The following SLC37A3 variants were observed in gnomAD, a reference collection of about 807,000 sequenced individuals.
SLC37A3 encodes the protein sugar phosphate exchanger 3.
In SLC37A3, 51 loss-of-function variants were observed where a neutral mutation model predicts 67.1. That is an observed-to-expected ratio of 0.76 (90% CI 0.61 to 0.96). SLC37A3 has a LOEUF of 0.96. Among genes scored for constraint, SLC37A3 ranks in the 40% least tolerant of loss-of-function variants. The pLI, the probability that SLC37A3 is intolerant of heterozygous loss-of-function variation, is 0.00. For synonymous variants in SLC37A3, 214 were observed against 231.4 expected (o/e 0.92, Z 0.68); for missense variants, 508 against 603.0 (o/e 0.84, Z 1.65).
At chr7:140,335,635 C>T in intron 14 of SLC37A3, 131 bp from the exon 15 acceptor site, 1 of 1,131,966 alleles carries the variant, frequency 8.8e-7, no homozygotes, top group Admixed American at 2.6e-5. Flanking sequence ...GTTTAATCTT[C>T]AATGAATTAG....
At chr7:140,345,833 G>C in intron 11 of SLC37A3, 36 bp downstream of exon 11, 1 of 1,495,560 alleles carries the variant, frequency 6.7e-7, no homozygotes, top group Non-Finnish European at 9.3e-7. Flanking sequence ...CAGATTAGGG[G>C]AGCAAAGGAA....
intron 1 of SLC37A3, among the ~76,000 whole-genome samples, chr7:140,390,463 G>A (rs1798682259): frequency 1.3e-5 from 2 of 152,144 alleles, no homozygotes; most frequent in African/African-American, 4.8e-5. Flanking sequence ...CATGCCTCAA[G>A]GACACAAGCG....
chr7:140,376,201 T>A (rs1482152578), intron 3 of SLC37A3, among the ~76,000 whole-genome samples: 6 of 152,022 alleles, frequency 3.9e-5, no homozygotes, highest in African/African-American at 1.2e-4. Context: ...TTGACTTAAA[T>A]GGAAAACAAA....
At chr7:140,395,440 G>C (rs1798885330) in intron 1 of SLC37A3, among the ~76,000 whole-genome samples, 1 of 149,980 alleles carries the variant, frequency 6.7e-6, no homozygotes, top group Admixed American at 6.7e-5. Context: ...GGGTGCGGTG[G>C]CTCACACCTG....
At chr7:140,369,783 C>T in intron 3 of SLC37A3, 101 bp from the exon 4 acceptor site, 4 of 860,678 alleles carry the variant, frequency 4.6e-6, no homozygotes, top group Non-Finnish European at 7.4e-6. Flanking sequence ...ACCAGTAATG[C>T]TCAAGAACAA....
chr7:140,397,964 A>G (rs147880540), intron 1 of SLC37A3, among the ~76,000 whole-genome samples: 55 of 152,320 alleles, frequency 3.6e-4, no homozygotes, highest in Admixed American at 3.4e-3. Context: ...AAAACCAGTC[A>G]CTCACTGAGA....
At chr7:140,368,044 C>G (rs1797671482) in intron 4 of SLC37A3, among the ~76,000 whole-genome samples, 1 of 151,866 alleles carries the variant, frequency 6.6e-6, no homozygotes, top group Admixed American at 6.6e-5. Flanking sequence ...AAACTCCTGA[C>G]CCCAAGTTAT....
At chr7:140,379,649 T>A (rs188441167) in intron 3 of SLC37A3, among the ~76,000 whole-genome samples, 61 of 151,942 alleles carry the variant, frequency 4.0e-4, no homozygotes, top group South Asian at 1.2e-3. Context: ...TCCCAACCCT[T>A]TGGGAGGCCA....
chr7:140,351,533 A>C (rs1796801287), intron 8 of SLC37A3, 82 bp from the exon 9 acceptor site: 2 of 1,387,634 alleles, frequency 1.4e-6, no homozygotes, highest in South Asian at 2.8e-5. Context: ...TTATGAGGTG[A>C]TGTTATTTTT....
intron 3 of SLC37A3, among the ~76,000 whole-genome samples, chr7:140,374,833 G>C (rs1198454596): frequency 3.9e-5 from 6 of 152,104 alleles, no homozygotes; most frequent in Non-Finnish European, 8.8e-5. Flanking sequence ...ACTCCAGCCT[G>C]AGCAACAGAG....
At chr7:140,356,888 G>A (rs372424103) in intron 6 of SLC37A3, among the ~76,000 whole-genome samples, 5 of 152,102 alleles carry the variant, frequency 3.3e-5, no homozygotes, top group East Asian at 1.9e-4. Flanking sequence ...AAAATGGTAC[G>A]ACCACCTTGG....
chr7:140,347,358 T>A (rs1449787799), intron 10 of SLC37A3, among the ~76,000 whole-genome samples: 8 of 151,874 alleles, frequency 5.3e-5, no homozygotes, highest in Non-Finnish European at 7.4e-5. Flanking sequence ...GGGATATGAA[T>A]CTTTCAAGCA....
chr7:140,365,824 T>C (rs1797575086), intron 4 of SLC37A3, among the ~76,000 whole-genome samples: 1 of 151,928 alleles, frequency 6.6e-6, no homozygotes, highest in South Asian at 2.1e-4. Context: ...GTAGATTCTA[T>C]GTTGTCTAGC....
At position 140,386,602 on chromosome 7, in the gene SLC37A3, A is replaced by C. The variant is rs1174758412; in HGVS notation, c.-70-4006T>G. On this transcript the variant is annotated intron_variant, in intron 1 of 14. Transcript: ENST00000326232. ...TCAAGCACATCCTACTTTTTGAAGA[A>C]TACTCTCTTTACCACTCTAAATACA... 2.6e-5 allele frequency among the ~76,000 whole-genome samples: 4 copies of C among 152,136 alleles called. No homozygotes were observed. The East Asian group carries it at 7.7e-4, about 29-fold the overall frequency.
At chr7:140,376,700 T>C (rs1404285778) in intron 3 of SLC37A3, among the ~76,000 whole-genome samples, 1 of 152,108 alleles carries the variant, frequency 6.6e-6, no homozygotes, top group Admixed American at 6.6e-5. Flanking sequence ...ATGCATGAAG[T>C]TCTTTGCATA....
chr7:140,347,758 CAA>C (rs11436762), intron 10 of SLC37A3, among the ~76,000 whole-genome samples: 19 of 139,452 alleles, frequency 1.4e-4, no homozygotes, highest in Non-Finnish European at 7.9e-5. Context: ...CTAGCTACAG[CAA>C]AAAAAAAAAA....
intron 4 of SLC37A3, among the ~76,000 whole-genome samples, chr7:140,366,529 G>A (rs1301021406): frequency 6.6e-6 from 1 of 151,774 alleles, no homozygotes; most frequent in African/African-American, 2.4e-5. Context: ...GATCCTTTAT[G>A]TCCTAAATCT....
chr7:140,380,535 G>T, intron 2 of SLC37A3, 145 bp from the exon 3 acceptor site: 1 of 558,478 alleles, frequency 1.8e-6, no homozygotes. Context: ...GATTCAGAGA[G>T]GCTCTCTCAA....
intron 12 of SLC37A3, 87 bp downstream of exon 12, chr7:140,345,129 A>T (rs1796502137): frequency 8.3e-7 from 1 of 1,200,554 alleles, no homozygotes; most frequent in Non-Finnish European, 1.2e-6. Flanking sequence ...TTTCGGTACT[A>T]CTCAAATTGA....
Sources: gnomAD v4.1 joint callset for allele counts (sites outside exome capture counted in the v4.1 genomes callset) on GRCh38, gnomAD v4.1.1 for gene constraint, MANE v1.5 for transcripts, NCBI Gene and HGNC (gene_info 2026-07-23, HGNC 2026-07-21) for gene names.